Variants in PPM1L observed in about 807,000 individuals in gnomAD.
PPM1L encodes protein phosphatase, Mg2+/Mn2+ dependent 1L.
A neutral mutation model predicts 31.4 loss-of-function variants in PPM1L; 13 were observed. That is an observed-to-expected ratio of 0.41 (90% CI 0.27 to 0.66). PPM1L has a LOEUF of 0.66. Ranked by LOEUF, PPM1L falls within the 30% of genes least tolerant of loss-of-function variation. The pLI is 0.29. For missense variants in PPM1L, 326 were observed against 453.7 expected (o/e 0.72, Z 2.56); for synonymous variants, 184 against 175.4 (o/e 1.05, Z -0.39).
chr3:160,797,686 C>T (rs1325073777), intron 1 of PPM1L, among the ~76,000 whole-genome samples: 1 of 152,136 alleles, frequency 6.6e-6, no homozygotes, highest in Non-Finnish European at 1.5e-5. Context: ...CTTGCCAATA[C>T]GGGAAAAGTT....
At chr3:160,831,943 G>C (rs1181414662) in intron 1 of PPM1L, among the ~76,000 whole-genome samples, 1 of 152,176 alleles carries the variant, frequency 6.6e-6, no homozygotes, top group Non-Finnish European at 1.5e-5. Flanking sequence ...TGTTCTACAA[G>C]TAGTATTAAT....
intron 3 of PPM1L, among the ~76,000 whole-genome samples, chr3:161,068,535 A>G (rs1204346621): frequency 6.6e-6 from 1 of 152,192 alleles, no homozygotes; most frequent in African/African-American, 2.4e-5. Context: ...GTTAAGTTAA[A>G]AACCAATGCC....
chr3:160,758,638 C>A (rs778540987), intron 1 of PPM1L, among the ~76,000 whole-genome samples: 7 of 151,990 alleles, frequency 4.6e-5, no homozygotes, highest in Non-Finnish European at 1.0e-4. Context: ...TACTGTAAAA[C>A]CTGAAAGTTG....
rs544593818 is a variant in PPM1L, at chr3:160,756,273, C to T, written c.-36C>T. The T allele has an allele frequency of 1.9e-6, 3 of 1,570,186 alleles. No individual in the cohort carries two copies. The highest frequency in any genetic ancestry group is 1.2e-5 in the South Asian group (1 of 83,690). ...GGACCCGGCGAGCCTTCGGGGCGCG[C>T]GTCGCTGGTGGTGGTTGAGGCTCTA... On this transcript the variant is annotated 5_prime_UTR_variant, in exon 1 of 4. Transcript: ENST00000498165. This position sits in a 1 kb window ranked among gnomAD's most constrained non-coding sequence, Gnocchi z 6.2.
chr3:160,766,452 CTGAG>C (rs1416892509), intron 1 of PPM1L, among the ~76,000 whole-genome samples: 1 of 152,084 alleles, frequency 6.6e-6, no homozygotes, highest in Non-Finnish European at 1.5e-5. Flanking sequence ...TCTCATGATA[CTGAG>C]TGAGTTCTCA....
chr3:160,779,248 GGT>G (rs1400866358), intron 1 of PPM1L, among the ~76,000 whole-genome samples: 1 of 152,132 alleles, frequency 6.6e-6, no homozygotes, highest in Non-Finnish European at 1.5e-5. Flanking sequence ...GGAGAAGCTA[GGT>G]GTCAGTTCTG....
At chr3:160,963,314 G>A (rs1232619337) in intron 2 of PPM1L, among the ~76,000 whole-genome samples, 3 of 152,002 alleles carry the variant, frequency 2.0e-5, no homozygotes, top group African/African-American at 7.2e-5. Context: ...ACTAATGCAG[G>A]TTCTCATTTG....
At chr3:160,792,304 T>G (rs903185081) in intron 1 of PPM1L, among the ~76,000 whole-genome samples, 1 of 152,186 alleles carries the variant, frequency 6.6e-6, no homozygotes, top group African/African-American at 2.4e-5. Context: ...TGGTATAATA[T>G]GAAAAGTTAT....
chr3:161,064,840 C>T (rs1213038312), intron 2 of PPM1L, among the ~76,000 whole-genome samples: 1 of 152,156 alleles, frequency 6.6e-6, no homozygotes, highest in Non-Finnish European at 1.5e-5. Context: ...TGGTCTGCCT[C>T]CATCACACCC....
Position 161,077,042 on chromosome 3 carries a change from A to ACT in PPM1L, c.*7887_*7888dup, listed in dbSNP as rs373644955. On this transcript the variant is annotated 3_prime_UTR_variant, in exon 4 of 4. Transcript: ENST00000498165. The stretch of plus-strand genomic sequence containing the variant: ...CTGAGTGAATGTATCCATGGTGAGC[A>ACT]CTCAGGCGCCATCACTGCCTTCTTG... 1.9e-3 allele frequency: 294 copies of ACT among 152,262 alleles called. No individual in the cohort carries two copies. Among genetic ancestry groups the ACT allele is most frequent in the African/African-American group, 6.8e-3 (281 of 41,544 alleles). The allele number at this position is 152,262 out of a possible 1,614,324, so 9.4% of individuals were successfully genotyped here. A position where few individuals can be genotyped will look rare whatever the true frequency, so the allele number is the denominator to read the frequency against.
chr3:160,822,546 A>C (rs1328305574), intron 1 of PPM1L, among the ~76,000 whole-genome samples: 5 of 151,320 alleles, frequency 3.3e-5, no homozygotes, highest in African/African-American at 1.2e-4. Context: ...AGGTTCTTTA[A>C]AAGTCTGTGT....
At chr3:160,771,462 T>C (rs1173764054) in intron 1 of PPM1L, among the ~76,000 whole-genome samples, 4 of 151,304 alleles carry the variant, frequency 2.6e-5, no homozygotes, top group Admixed American at 2.6e-4. Context: ...AGGCTGGTCT[T>C]GAACTTCTGA....
chr3:160,757,642 G>T (rs529635378), intron 1 of PPM1L, among the ~76,000 whole-genome samples: 1 of 152,222 alleles, frequency 6.6e-6, no homozygotes, highest in African/African-American at 2.4e-5. Context: ...TGGCTCTAGC[G>T]CCATGCTCCA....
At chr3:160,868,901 G>A (rs1423974604) in intron 1 of PPM1L, among the ~76,000 whole-genome samples, 1 of 152,190 alleles carries the variant, frequency 6.6e-6, no homozygotes, top group African/African-American at 2.4e-5. Context: ...CATGGAACGT[G>A]ATGCCTCTGA....
chr3:160,907,076 T>C (rs1457919389), intron 1 of PPM1L, among the ~76,000 whole-genome samples: 4 of 152,198 alleles, frequency 2.6e-5, no homozygotes, highest in East Asian at 3.8e-4. Flanking sequence ...GCTCAGATTA[T>C]TGGGGACTAT....
At chr3:160,925,255 C>G (rs575445171) in intron 1 of PPM1L, among the ~76,000 whole-genome samples, 7 of 152,252 alleles carry the variant, frequency 4.6e-5, no homozygotes, top group Admixed American at 1.3e-4. Context: ...CATTTATATG[C>G]GCAGAATTGA....
chr3:161,040,446 A>G (rs1576800594), intron 2 of PPM1L, among the ~76,000 whole-genome samples: 1 of 152,188 alleles, frequency 6.6e-6, no homozygotes, highest in East Asian at 1.9e-4. Flanking sequence ...CATTACCATT[A>G]GTTAAAATTT....
chr3:160,776,178 C>G (rs750450554), intron 1 of PPM1L, among the ~76,000 whole-genome samples: 2 of 152,170 alleles, frequency 1.3e-5, no homozygotes, highest in Admixed American at 1.3e-4. Context: ...GTAGAATTCT[C>G]ATGTACAAAA....
Position 160,956,561 on chromosome 3 carries a change from C to G in PPM1L, c.400-5175C>G, listed in dbSNP as rs987119090. ...GGGTCCCTAGAAGAATCAGTCAACC[C>G]CATTGCCAAATGCAGAAATAAAGGC... On this transcript the variant is annotated intron_variant, in intron 1 of 3. Transcript: ENST00000498165. Among the ~76,000 whole-genome samples the G allele has an allele frequency of 2.0e-5, 3 of 152,168 alleles. 1 individual carries two copies. Among genetic ancestry groups the G allele is most frequent in the African/African-American group, 7.2e-5 (3 of 41,436 alleles).
Sources: gnomAD v4.1 joint callset for allele counts (sites outside exome capture counted in the v4.1 genomes callset) on GRCh38, gnomAD v4.1.1 for gene constraint, Gnocchi (gnomAD v3.1) non-coding constraint, MANE v1.5 for transcripts, NCBI Gene and HGNC (gene_info 2026-07-23, HGNC 2026-07-21) for gene names.